Variants in CTPS2 observed in about 807,000 individuals in gnomAD.
CTPS2 encodes CTP synthase 2, also known as CTP synthase II.
A neutral mutation model predicts 46.8 loss-of-function variants in CTPS2; 19 were observed. The ratio of observed to expected loss-of-function variants is 0.41; its 90% CI spans 0.28 to 0.60. The LOEUF (loss-of-function observed/expected upper bound fraction) is 0.60, where lower values mean the gene tolerates loss of function less well. CTPS2 is among the 20% of genes least tolerant of loss of function. CTPS2 has a pLI of 0.35. For synonymous variants in CTPS2, 151 were observed against 165.2 expected (o/e 0.91, Z 0.66); for missense variants, 286 against 447.6 (o/e 0.64, Z 3.26).
At chrX:16,673,236 G>A (rs1311547800) in intron 10 of CTPS2, among the ~76,000 whole-genome samples, 2 of 111,361 alleles carry the variant, frequency 1.8e-5, no homozygotes, top group African/African-American at 6.5e-5. Flanking sequence ...GTGTCTTTCT[G>A]TATTGTTCTG....
intron 4 of CTPS2, among the ~76,000 whole-genome samples, chrX:16,696,898 T>G (rs74620658): frequency 1.2e-5 from 1 of 83,604 alleles, no homozygotes; most frequent in African/African-American, 5.6e-5. Flanking sequence ...TAATCCCCAA[T>G]CCTGTTATTA....
chrX:16,664,358 T>C (rs989441218), intron 13 of CTPS2, among the ~76,000 whole-genome samples: 5 of 111,772 alleles, frequency 4.5e-5, no homozygotes, highest in African/African-American at 6.5e-5. Context: ...GAACCCTTCA[T>C]TGGTATTAGG....
intron 17 of CTPS2, among the ~76,000 whole-genome samples, chrX:16,593,612 C>G: frequency 1.0e-5 from 1 of 97,179 alleles, no homozygotes; most frequent in East Asian, 3.3e-4. Flanking sequence ...TCTGCATAGG[C>G]AAAAAGACAA....
chrX:16,648,773 G>A (rs1166967740), intron 13 of CTPS2, among the ~76,000 whole-genome samples: 1 of 112,444 alleles, frequency 8.9e-6, no homozygotes, highest in Admixed American at 9.5e-5. Flanking sequence ...CACATGGAAT[G>A]ATAAATGCTC....
intron 1 of CTPS2, among the ~76,000 whole-genome samples, chrX:16,704,613 C>G (rs1448981403): frequency 9.0e-6 from 1 of 111,353 alleles, no homozygotes; most frequent in African/African-American, 3.3e-5. Flanking sequence ...TCCAAACCCA[C>G]AGAATGGACA....
At chrX:16,699,961 G>T (rs1472369013) in intron 2 of CTPS2, among the ~76,000 whole-genome samples, 2 of 106,339 alleles carry the variant, frequency 1.9e-5, no homozygotes, top group African/African-American at 3.5e-5. Context: ...TTGAGACAGA[G>T]TTTCGCTGTC....
intron 13 of CTPS2, among the ~76,000 whole-genome samples, chrX:16,639,777 AAAAGAAAG>A (rs10682704): frequency 0.073 from 5,273 of 72,600 alleles, 179 homozygotes; most frequent in African/African-American, 0.1. Context: ...AAAGGAAAAG[AAAAGAAAG>A]AAAGAAAGAA....
In CTPS2 at chrX:16,712,413, C is replaced by G. The variant is rs1384576798; in HGVS notation, c.-118G>C. 4 of 112,443 alleles carry G rather than the reference C, an allele frequency of 3.6e-5. No individual in the cohort carries two copies. Among genetic ancestry groups the G allele is most frequent in the African/African-American group, 1.3e-4 (4 of 30,990 alleles). The allele number at this position is 112,443 out of a possible 1,213,427, so 9.3% of individuals were successfully genotyped here. On this transcript the variant is annotated 5_prime_UTR_variant, in exon 1 of 19. Transcript: ENST00000359276. ...ACCCCGCGGCTGGCCTGGCGCTCAC[C>G]TGTCGGGCTGGGGAAGGGGTCGCTG...
chrX:16,642,840 G>A (rs1311171783), intron 13 of CTPS2, among the ~76,000 whole-genome samples: 2 of 111,924 alleles, frequency 1.8e-5, no homozygotes, highest in Non-Finnish European at 3.8e-5. Flanking sequence ...TCTCAAATAT[G>A]CTTTAGATTT....
intron 14 of CTPS2, among the ~76,000 whole-genome samples, chrX:16,637,909 G>A (rs1173201065): frequency 8.9e-6 from 1 of 111,867 alleles, no homozygotes. Flanking sequence ...CATCTTTAAA[G>A]GAAAAGCTCA....
intron 14 of CTPS2, among the ~76,000 whole-genome samples, chrX:16,628,851 T>C (rs1214145300): frequency 8.9e-6 from 1 of 111,948 alleles, no homozygotes; most frequent in Non-Finnish European, 1.9e-5. Context: ...TCATTCTTAA[T>C]GCCAGGTCAC....
chrX:16,665,261 CAT>C (rs1435262536), intron 13 of CTPS2, among the ~76,000 whole-genome samples: 1 of 112,583 alleles, frequency 8.9e-6, no homozygotes, highest in Non-Finnish European at 1.9e-5. Context: ...ACAGAATTAC[CAT>C]ATGACTCAGA....
rs899889864 is a variant in CTPS2, at chrX:16,712,147, C to G, written c.-40+188G>C. Reference sequence around the variant, plus strand: ...ACACCCGGCAGCCGAGGTCTGCGAGCGCGGGGCTGGCGGCCGGACCCGACT... The same window carrying G: ...ACACCCGGCAGCCGAGGTCTGCGAGGGCGGGGCTGGCGGCCGGACCCGACT... On this transcript the variant is annotated intron_variant, in intron 1 of 18. Coordinates refer to ENST00000359276, the MANE Select transcript of CTPS2 (RefSeq NM_175859.3). 3 of 111,855 alleles carry G rather than the reference C, an allele frequency of 2.7e-5. No homozygotes were observed. In the Admixed American group the frequency reaches 2.8e-4, roughly 10 times the overall value. The allele number at this position is 111,855 out of a possible 1,213,427, so 9.2% of individuals were successfully genotyped here.
At chrX:16,634,722 G>A (rs764867358) in intron 14 of CTPS2, among the ~76,000 whole-genome samples, 110 of 112,108 alleles carry the variant, frequency 9.8e-4, no homozygotes, top group Non-Finnish European at 1.5e-3. Flanking sequence ...GCCGAGGCAG[G>A]AGGATCACCC....
At chrX:16,595,464 G>A (rs760541121) in intron 17 of CTPS2, among the ~76,000 whole-genome samples, 10 of 110,111 alleles carry the variant, frequency 9.1e-5, no homozygotes, top group Non-Finnish European at 1.7e-4. Context: ...CCATCACCAC[G>A]CCCAGCTAAT....
At chrX:16,692,237 G>C (rs1200972868) in intron 6 of CTPS2, among the ~76,000 whole-genome samples, 1 of 110,186 alleles carries the variant, frequency 9.1e-6, no homozygotes, top group Non-Finnish European at 1.9e-5. Flanking sequence ...GAACCCAGGA[G>C]TTCGAGACCA....
At chrX:16,686,274 T>C (rs192834467) in intron 8 of CTPS2, among the ~76,000 whole-genome samples, 90 of 112,262 alleles carry the variant, frequency 8.0e-4, no homozygotes, top group East Asian at 3.1e-3. Flanking sequence ...CTTGAGGTGA[T>C]GGATACTCCA....
chrX:16,708,449 T>C (rs1007317525), intron 1 of CTPS2, among the ~76,000 whole-genome samples: 4 of 111,392 alleles, frequency 3.6e-5, no homozygotes, highest in African/African-American at 1.3e-4. Context: ...GCTTAAAACA[T>C]TGTCAATCCA....
chrX:16,698,803 A>G, intron 3 of CTPS2, 120 bp downstream of exon 3: 1 of 611,964 alleles, frequency 1.6e-6, no homozygotes, highest in African/African-American at 2.3e-5. Context: ...CACTGGCCTC[A>G]GCCTCCCAAA....
Sources: allele counts gnomAD v4.1 joint callset (sites outside exome capture counted in the v4.1 genomes callset), GRCh38; gene constraint gnomAD v4.1.1; transcripts MANE v1.5; gene names NCBI Gene and HGNC (gene_info 2026-07-23, HGNC 2026-07-21).